The following GSPT1 variants were observed in gnomAD, a reference collection of about 807,000 sequenced individuals.
GSPT1 encodes G1 to S phase transition 1.
In GSPT1, 20 loss-of-function variants were observed where a neutral mutation model predicts 72.5. The ratio of observed to expected loss-of-function variants is 0.28; its 90% CI spans 0.19 to 0.40. GSPT1 has a LOEUF of 0.40. GSPT1 is among the 10% of genes least tolerant of loss of function. The pLI is 1.00. For missense variants in GSPT1, 580 were observed against 811.9 expected (o/e 0.71, Z 3.47); for synonymous variants, 334 against 293.5 (o/e 1.14, Z -1.41).
intron 4 of GSPT1, 106 bp downstream of exon 4, chr16:11,896,452 T>G: frequency 1.4e-6 from 1 of 730,558 alleles, no homozygotes; most frequent in East Asian, 2.7e-5. Flanking sequence ...AATCAAGACA[T>G]TTTCAATTAA....
rs1407844194 is a variant in GSPT1 at position 11,871,743 on chromosome 16, G to A, written c.*1376C>T. 1 of 152,066 alleles carries A rather than the reference G, an allele frequency of 6.6e-6. No individual in the cohort carries two copies. Among genetic ancestry groups the A allele is most frequent in the Non-Finnish European group, 1.5e-5 (1 of 68,010 alleles). 9.4% of individuals were successfully genotyped at this position (152,066 alleles called of 1,614,324 possible). The stretch of plus-strand genomic sequence containing the variant: ...CTAAAAGAGGCTATCTTTGATCAAT[G>A]GCAACACTCAACATCAAGGGGGCTT... On this transcript the variant is annotated 3_prime_UTR_variant, in exon 15 of 15. Transcript: ENST00000434724.
At chr16:11,889,321 C>CTCT (rs1411390262) in intron 6 of GSPT1, among the ~76,000 whole-genome samples, 5 of 141,434 alleles carry the variant, frequency 3.5e-5, no homozygotes, top group African/African-American at 8.1e-5. Flanking sequence ...ACCCCCACCC[C>CTCT]TCTTCTTCTT....
At position 11,887,713 on chromosome 16, in the gene GSPT1, G is replaced by T. The variant is rs767619986; in HGVS notation, c.814C>A (p.Arg272=). 1.7e-5 allele frequency: 28 copies of T among 1,612,382 alleles called. No homozygotes were observed. In the South Asian group the frequency reaches 3.1e-4, roughly 18 times the overall value. Residue 272 remains arginine (R), a synonymous_variant, in exon 7 of 15, where the codon CGA becomes AGA. Transcript: ENST00000434724. ...ACTTCTACTGTTTTACCCTTGTCTC[G>T]TTCTTCCTGATTTGTGTCTAAGGCC... ...SWALDTNQEE[R]DKGKTVEVGR...
rs1408446760 is a variant in GSPT1 at position 11,891,207 on chromosome 16, C to T, written c.699-68G>A. On this transcript the variant is annotated intron_variant, in intron 5 of 14. Coordinates refer to ENST00000434724, the MANE Select transcript of GSPT1 (RefSeq NM_002094.4). Reference sequence around the variant, plus strand: ...AAATTACTCAGTGGAATTAGGAAAACGTGAAAATTGTCGAAAATTTCAACG... The same window carrying T: ...AAATTACTCAGTGGAATTAGGAAAATGTGAAAATTGTCGAAAATTTCAACG... 1.7e-5 allele frequency: 14 copies of T among 809,384 alleles called. No homozygotes were observed. The East Asian group carries it at 2.6e-4, about 15-fold the overall frequency. 50.1% of individuals were successfully genotyped at this position (809,384 alleles called of 1,614,324 possible). A position where few individuals can be genotyped will look rare whatever the true frequency, so the allele number is the denominator to read the frequency against.
intron 1 of GSPT1, among the ~76,000 whole-genome samples, chr16:11,904,482 G>A (rs1469286502): frequency 3.3e-5 from 5 of 152,068 alleles, no homozygotes; most frequent in Non-Finnish European, 7.4e-5. Flanking sequence ...GATTACAAGC[G>A]TGAGCCACTG....
At chr16:11,886,375 G>T in intron 9 of GSPT1, 96 bp downstream of exon 9, 1 of 727,890 alleles carries the variant, frequency 1.4e-6, no homozygotes, top group South Asian at 2.1e-5. Context: ...ATGCTCAAAA[G>T]CATATGTTAA....
At position 11,877,829 on chromosome 16, in the gene GSPT1, C is replaced by A. The variant is rs750043233; in HGVS notation, c.1429-249G>T. Reference sequence around the variant, plus strand: ...ATTCTAATCATTTCCAACTAGAACACTGTATACACTAGCATTTGCCTTTTT... The same window carrying A: ...ATTCTAATCATTTCCAACTAGAACAATGTATACACTAGCATTTGCCTTTTT... On this transcript the variant is annotated intron_variant, in intron 11 of 14. Transcript: ENST00000434724. This position sits in a 1 kb window ranked among gnomAD's most constrained non-coding sequence, Gnocchi z 4.0. Among the ~76,000 whole-genome samples, 1 of 152,186 alleles carries A rather than the reference C, an allele frequency of 6.6e-6. No individual in the cohort carries two copies. Among genetic ancestry groups the A allele is most frequent in the Non-Finnish European group, 1.5e-5 (1 of 68,040 alleles).
rs367704156 is a variant in GSPT1 at position 11,883,006 on chromosome 16, G to A, written c.1428+9C>T. The stretch of plus-strand genomic sequence containing the variant: ...TAAATAGATAGGAAACAGCATAACC[G>A]ATTCTTACCTTGTTTGGCATCATCA... On this transcript the variant is annotated intron_variant, in intron 11 of 14. Transcript: ENST00000434724. 55 of 1,548,680 alleles carry A rather than the reference G, an allele frequency of 3.6e-5. No homozygotes were observed. The African/African-American group carries it at 5.2e-4, about 15-fold the overall frequency.
chr16:11,906,893 A>T (rs2054497215), intron 1 of GSPT1, among the ~76,000 whole-genome samples: 1 of 152,200 alleles, frequency 6.6e-6, no homozygotes, highest in African/African-American at 2.4e-5. Context: ...ATCTCTGAAC[A>T]AAAATTTGCA....
rs149682082 is a variant in GSPT1 at position 11,868,306 on chromosome 16, C to T, written c.*4813G>A. On this transcript the variant is annotated 3_prime_UTR_variant, in exon 15 of 15. Coordinates refer to ENST00000434724, the MANE Select transcript of GSPT1 (RefSeq NM_002094.4). ...TTCCTACCTAGAGCACTCTTCCATG[C>T]TTTGGAATTAGGCTAAAAAACTCAA... is the stretch of plus-strand genomic sequence containing the variant. 12 of 151,052 alleles carry T rather than the reference C, an allele frequency of 7.9e-5. No individual in the cohort carries two copies. In the East Asian group the frequency reaches 2.3e-3, roughly 29 times the overall value. The allele number at this position is 151,052 out of a possible 1,614,324, so 9.4% of individuals were successfully genotyped here.
Position 11,877,297 on chromosome 16 carries a change from A to T in GSPT1, c.1602+110T>A. On this transcript the variant is annotated intron_variant, in intron 12 of 14. Coordinates refer to ENST00000434724, the MANE Select transcript of GSPT1 (RefSeq NM_002094.4). This position sits in a 1 kb window ranked among gnomAD's most constrained non-coding sequence, Gnocchi z 4.0. ...TAATATTTCCATTCCCCTTCTCTAC[A>T]CTAAGATGGGTTAACTGGCATGTCA... is the stretch of plus-strand genomic sequence containing the variant. 1.4e-6 allele frequency: 1 copy of T among 707,562 alleles called. No individual in the cohort carries two copies. Among genetic ancestry groups the T allele is most frequent in the Non-Finnish European group, 2.3e-6 (1 of 439,064 alleles). 43.8% of individuals were successfully genotyped at this position (707,562 alleles called of 1,614,324 possible). A position where few individuals can be genotyped will look rare whatever the true frequency, so the allele number is the denominator to read the frequency against.
intron 11 of GSPT1, among the ~76,000 whole-genome samples, chr16:11,879,052 G>T (rs990236018): frequency 4.0e-5 from 6 of 150,654 alleles, no homozygotes; most frequent in East Asian, 1.9e-4. Context: ...CTCCAGCCTG[G>T]GCAATAAGAG....
rs973986502 is a variant in GSPT1 at position 11,889,114 on chromosome 16, G to A, written c.777-1364C>T. Among the ~76,000 whole-genome samples the A allele has an allele frequency of 3.3e-5, 5 of 151,960 alleles. No individual in the cohort carries two copies. The East Asian group carries it at 7.9e-4, about 24-fold the overall frequency. On this transcript the variant is annotated intron_variant, in intron 6 of 14. Transcript: ENST00000434724. ...ACAAGGTCAGGAGATTGAGACCATC[G>A]TAGCTAACACGGTGAAACCCTGTCT...
intron 1 of GSPT1, among the ~76,000 whole-genome samples, chr16:11,902,464 A>G (rs914917062): frequency 1.3e-5 from 2 of 151,560 alleles, no homozygotes; most frequent in African/African-American, 4.8e-5. Flanking sequence ...ATAAAGGAAG[A>G]TTAATGACTT....
chr16:11,913,259 G>C (rs2054583095), intron 1 of GSPT1, among the ~76,000 whole-genome samples: 1 of 152,148 alleles, frequency 6.6e-6, no homozygotes, highest in South Asian at 2.1e-4. Context: ...TAGAAAATCA[G>C]TTCTTTTCCA....
intron 5 of GSPT1, among the ~76,000 whole-genome samples, chr16:11,892,701 T>C (rs2054282508): frequency 6.7e-6 from 1 of 150,068 alleles, no homozygotes; most frequent in South Asian, 2.1e-4. Context: ...TGGTGGTGCA[T>C]GCCTGTAATC....
chr16:11,896,278 T>C (rs919974917), intron 4 of GSPT1, among the ~76,000 whole-genome samples: 2 of 152,202 alleles, frequency 1.3e-5, no homozygotes, highest in African/African-American at 4.8e-5. Context: ...TATAATACTA[T>C]GCTGAACTAC....
chr16:11,912,047 A>T (rs1201943553), intron 1 of GSPT1, among the ~76,000 whole-genome samples: 1 of 40,008 alleles, frequency 2.5e-5, no homozygotes, highest in Non-Finnish European at 4.0e-5. Context: ...TCAATCATTT[A>T]AAAAAAAAAA....
At chr16:11,895,757 G>C (rs566071904) in intron 4 of GSPT1, 2 of 152,582 alleles carry the variant, frequency 1.3e-5, no homozygotes, top group African/African-American at 4.8e-5. Context: ...CTCCGGAGTA[G>C]CTGGGATTAC....
Sources: gnomAD v4.1 joint callset for allele counts (sites outside exome capture counted in the v4.1 genomes callset) on GRCh38, gnomAD v4.1.1 for gene constraint, Gnocchi (gnomAD v3.1) non-coding constraint, MANE v1.5 for transcripts, NCBI Gene and HGNC (gene_info 2026-07-23, HGNC 2026-07-21) for gene names.